The following ACSS2 variants were observed in gnomAD, a reference collection of about 807,000 sequenced individuals.
ACSS2 encodes the protein acetyl-coenzyme A synthetase, cytoplasmic.
ACSS2 carries 58 observed loss-of-function variants against 90.6 expected under a neutral mutation model. That is an observed-to-expected ratio of 0.64 (90% confidence interval 0.52 to 0.80). The LOEUF (loss-of-function observed/expected upper bound fraction) is 0.80. ACSS2 is among the 30% of genes least tolerant of loss of function. The probability of loss-of-function intolerance (pLI) is 0.00; values close to 1 mark genes in which losing one functional copy is unlikely to be tolerated. For synonymous variants in ACSS2, 300 were observed against 330.9 expected (o/e 0.91, Z 1.01); for missense variants, 759 against 912.0 (o/e 0.83, Z 2.16).
intron 1 of ACSS2, among the ~76,000 whole-genome samples, chr20:34,879,989 A>C (rs554204138): frequency 6.6e-6 from 1 of 152,344 alleles, no homozygotes; most frequent in Non-Finnish European, 1.5e-5. Context: ...AAATGAGATT[A>C]GTCCAGTCCC....
intron 2 of ACSS2, among the ~76,000 whole-genome samples, chr20:34,901,771 G>A (rs1300096999): frequency 6.6e-6 from 1 of 152,182 alleles, no homozygotes; most frequent in African/African-American, 2.4e-5. Context: ...CCACTCCCTG[G>A]AGAATAATCT....
In ACSS2 at chr20:34,918,937, C is replaced by T. The variant is rs370173764; in HGVS notation, c.835-498C>T. On this transcript the variant is annotated intron_variant, in intron 7 of 17. Coordinates refer to ENST00000360596, the MANE Select transcript of ACSS2 (RefSeq NM_018677.4). ...AGGTGTTGGGAGATATGGCAGGGGT[C>T]GGGAGGAAAGACATTTCACCTCCTT... Among the ~76,000 whole-genome samples the T allele has an allele frequency of 7.2e-5, 11 of 151,998 alleles. No individual in the cohort carries two copies. In the East Asian group the frequency reaches 7.7e-4, roughly 11 times the overall value.
At chr20:34,877,897 C>CAGATAGAT (rs1440998444) in intron 1 of ACSS2, among the ~76,000 whole-genome samples, 42 of 91,130 alleles carry the variant, frequency 4.6e-4, no homozygotes, top group South Asian at 8.0e-4. Context: ...GGGTAAAGGA[C>CAGATAGAT]AGATAGATAG....
chr20:34,926,104 G>A lies in ACSS2; in HGVS notation c.1727-1G>A. The A allele has an allele frequency of 6.2e-7, 1 of 1,614,154 alleles. No homozygotes were observed. On this transcript the variant is annotated splice_acceptor_variant, in intron 15 of 17. Transcript: ENST00000360596. LOFTEE classifies it high-confidence loss of function. ...CATGGCACTTCCTTTCCCTTGACAA[G>A]GACACCTGCTGAGTACAGCAGAGGT...
chr20:34,909,230 T>C (rs1601344032), intron 2 of ACSS2, among the ~76,000 whole-genome samples: 1 of 141,756 alleles, frequency 7.1e-6, no homozygotes, highest in African/African-American at 2.6e-5. Context: ...TAGCCAGACA[T>C]GGTGACTCTG....
Position 34,927,290 on chromosome 20 carries a change from G to A in ACSS2, c.*76G>A. ...TCCTCTTTGCCCCCTCAGGAGTGCT[G>A]AGGGCCAGTGTTGACCCACACTACC... On this transcript the variant is annotated 3_prime_UTR_variant, in exon 18 of 18. Coordinates refer to ENST00000360596, the MANE Select transcript of ACSS2 (RefSeq NM_018677.4). The surrounding 1 kb of genome is among the most constrained non-coding windows in gnomAD (Gnocchi z 4.2). The A allele has an allele frequency of 6.3e-7, 1 of 1,585,570 alleles. No homozygotes were observed. The highest frequency in any genetic ancestry group is 2.2e-5 in the East Asian group (1 of 44,674).
chr20:34,915,401 A>T, intron 7 of ACSS2: 1 of 862,204 alleles, frequency 1.2e-6, no homozygotes, highest in Non-Finnish European at 1.9e-6. Context: ...CATCTAAGCC[A>T]CTGAAGGGTG....
upstream of ACSS2, among the ~76,000 whole-genome samples, chr20:34,876,212 T>G (rs2079902424): frequency 6.6e-6 from 1 of 151,902 alleles, no homozygotes; most frequent in Non-Finnish European, 1.5e-5. Context: ...CCCACTCTGG[T>G]CACTCCATGG....
At position 34,925,695 on chromosome 20, in the gene ACSS2, C is replaced by A. The variant is rs1291997216; in HGVS notation, c.1658-3C>A. On this transcript the variant is annotated splice_polypyrimidine_tract_variant and splice_region_variant and intron_variant, in intron 14 of 17. Coordinates refer to ENST00000360596, the MANE Select transcript of ACSS2 (RefSeq NM_018677.4). ...ATTTATTAGGTTTTGCATTTCTTCC[C>A]AGGCTGCCAGCGGGACCAGGATGGC... is the stretch of plus-strand genomic sequence containing the variant. 1 of 1,612,700 alleles carries A rather than the reference C, an allele frequency of 6.2e-7. No individual in the cohort carries two copies. Among genetic ancestry groups the A allele is most frequent in the Non-Finnish European group, 8.5e-7 (1 of 1,179,480 alleles).
At chr20:34,895,134 T>C (rs2080432243) in intron 2 of ACSS2, among the ~76,000 whole-genome samples, 1 of 152,206 alleles carries the variant, frequency 6.6e-6, no homozygotes, top group African/African-American at 2.4e-5. Flanking sequence ...TGAAAAATTA[T>C]GTAACTCTTG....
At chr20:34,909,788 C>T (rs2080903504) in intron 2 of ACSS2, among the ~76,000 whole-genome samples, 1 of 151,534 alleles carries the variant, frequency 6.6e-6, no homozygotes, top group Non-Finnish European at 1.5e-5. Context: ...GTGATCGCCG[C>T]TCGCTGTAGC....
chr20:34,882,441 G>C (rs552586521), intron 1 of ACSS2, among the ~76,000 whole-genome samples: 2 of 152,190 alleles, frequency 1.3e-5, no homozygotes, highest in South Asian at 2.1e-4. Context: ...GGCCAACATA[G>C]TGAAACCCCG....
At chr20:34,917,406 G>C (rs2081096934) in intron 7 of ACSS2, among the ~76,000 whole-genome samples, 1 of 152,124 alleles carries the variant, frequency 6.6e-6, no homozygotes, top group Non-Finnish European at 1.5e-5. Flanking sequence ...TTCTAGGCTT[G>C]TCGTTTTTAT....
At position 34,927,773 on chromosome 20, in the gene ACSS2, C is replaced by T. The variant is rs537948093; in HGVS notation, c.*559C>T. ...AGTCTCCAGAGGGTATTCAGATCATCTGCTTCTTTGAAGGAGTAAATGTGT... is the reference window on the plus strand; with the variant it reads ...AGTCTCCAGAGGGTATTCAGATCATTTGCTTCTTTGAAGGAGTAAATGTGT... On this transcript the variant is annotated 3_prime_UTR_variant, in exon 18 of 18. Coordinates refer to ENST00000360596, the MANE Select transcript of ACSS2 (RefSeq NM_018677.4). The surrounding 1 kb of genome is among the most constrained non-coding windows in gnomAD (Gnocchi z 4.2). The T allele has an allele frequency of 6.4e-6, 1 of 155,808 alleles. No homozygotes were observed. The highest frequency in any genetic ancestry group is 2.4e-5 in the African/African-American group (1 of 41,586). The allele number at this position is 155,808 out of a possible 1,614,324, so 9.7% of individuals were successfully genotyped here. A position where few individuals can be genotyped will look rare whatever the true frequency, so the allele number is the denominator to read the frequency against.
chr20:34,883,480 C>T (rs1419885261), intron 2 of ACSS2, among the ~76,000 whole-genome samples: 1 of 152,168 alleles, frequency 6.6e-6, no homozygotes, highest in African/African-American at 2.4e-5. Context: ...TCTGAGAAGT[C>T]AAGTGACATA....
chr20:34,922,012 C>T (rs936059558), intron 13 of ACSS2, 146 bp downstream of exon 13: 3 of 1,444,274 alleles, frequency 2.1e-6, no homozygotes, highest in East Asian at 2.4e-5. Flanking sequence ...CTGAGAGACC[C>T]TGGAGGGGAC....
At chr20:34,914,279 T>A in intron 6 of ACSS2, 44 bp from the exon 7 acceptor site, 1 of 1,604,616 alleles carries the variant, frequency 6.2e-7, no homozygotes, top group Non-Finnish European at 8.5e-7. Context: ...CCAAGTTCCC[T>A]TTGAGCCAAC....
Position 34,927,877 on chromosome 20 carries a change from A to C in ACSS2, c.*663A>C, listed in dbSNP as rs1213061103. ...CCCTGAACAGAACCCAGCCCATAAG[A>C]GACATTCTCAGATGAAACTCTGTTT... On this transcript the variant is annotated 3_prime_UTR_variant, in exon 18 of 18. Coordinates refer to ENST00000360596, the MANE Select transcript of ACSS2 (RefSeq NM_018677.4). This position sits in a 1 kb window ranked among gnomAD's most constrained non-coding sequence, Gnocchi z 4.2. The C allele has an allele frequency of 1.3e-5, 2 of 152,676 alleles. No individual in the cohort carries two copies. The highest frequency in any genetic ancestry group is 4.8e-5 in the African/African-American group (2 of 41,432). The allele number at this position is 152,676 out of a possible 1,614,324, so 9.5% of individuals were successfully genotyped here.
chr20:34,926,347 G>A (rs1188932358), intron 16 of ACSS2, 66 bp downstream of exon 16: 1 of 1,551,532 alleles, frequency 6.4e-7, no homozygotes, highest in African/African-American at 1.4e-5. Context: ...ACTGCAAGTT[G>A]TTGGGGAGGG....
Sources: gnomAD v4.1 joint callset for allele counts (sites outside exome capture counted in the v4.1 genomes callset) on GRCh38, gnomAD v4.1.1 for gene constraint, Gnocchi (gnomAD v3.1) non-coding constraint, MANE v1.5 for transcripts, NCBI Gene and HGNC (gene_info 2026-07-23, HGNC 2026-07-21) for gene names.